IARS1: variants seen among roughly 807,000 people sequenced by gnomAD.
The protein encoded by IARS1 is isoleucine--tRNA ligase, cytoplasmic.
Under a neutral mutation model 168.2 loss-of-function variants are expected in IARS1, and 124 were observed. That is an observed-to-expected ratio of 0.74 (90% CI 0.64 to 0.86). IARS1 has a LOEUF of 0.86. Ranked by LOEUF, IARS1 falls within the 40% of genes least tolerant of loss-of-function variation. IARS1 has a pLI of 0.00. For missense variants in IARS1, 1,452 were observed against 1,515.8 expected (o/e 0.96, Z 0.70); for synonymous variants, 532 against 529.4 (o/e 1.00, Z -0.07).
At chr9:92,270,422 G>T (rs1168549184) in intron 12 of IARS1, among the ~76,000 whole-genome samples, 1 of 151,966 alleles carries the variant, frequency 6.6e-6, no homozygotes, top group Non-Finnish European at 1.5e-5. Flanking sequence ...AAAAAATGTG[G>T]CCACAATACA....
chr9:92,255,015 C>T (rs1230954605), intron 20 of IARS1, among the ~76,000 whole-genome samples: 1 of 152,186 alleles, frequency 6.6e-6, no homozygotes, highest in Admixed American at 6.5e-5. Flanking sequence ...CGTTTCCCAC[C>T]CACTTGTATC....
intron 33 of IARS1, among the ~76,000 whole-genome samples, chr9:92,213,696 C>T (rs1016937808): frequency 2.0e-5 from 3 of 152,178 alleles, no homozygotes; most frequent in Non-Finnish European, 2.9e-5. Context: ...AAATTTGTTG[C>T]AGCAGCCACA....
intron 9 of IARS1, among the ~76,000 whole-genome samples, chr9:92,274,986 G>A (rs1016970590): frequency 1.3e-5 from 2 of 152,156 alleles, no homozygotes; most frequent in Admixed American, 6.5e-5. Context: ...TGGGAGCCAC[G>A]AGTAGTAAGT....
intron 10 of IARS1, among the ~76,000 whole-genome samples, chr9:92,273,950 G>A (rs1206102406): frequency 6.6e-6 from 1 of 152,170 alleles, no homozygotes; most frequent in Non-Finnish European, 1.5e-5. Flanking sequence ...GGTGAGAGGT[G>A]GTTTACTGTA....
rs35644715 is a variant in IARS1 at position 92,292,016 on chromosome 9, CTT to C, written c.-8+1593_-8+1594del. On this transcript the variant is annotated intron_variant, in intron 1 of 33. Coordinates refer to ENST00000443024, the MANE Select transcript of IARS1 (RefSeq NM_002161.6). ...AAGCTTTCTGAGAAGAGGATCATTC[CTT>C]TTTTTTTTTTTTTTTTGAGACAGTG... 8.5e-3 allele frequency among the ~76,000 whole-genome samples: 1,081 copies of C among 126,886 alleles called. 9 individuals are homozygous for C. Among genetic ancestry groups the C allele is most frequent in the South Asian group, 0.027 (111 of 4,038 alleles). The allele number at this position is 126,886 out of a possible 152,430, so 83.2% of individuals were successfully genotyped here. A position where few individuals can be genotyped will look rare whatever the true frequency, so the allele number is the denominator to read the frequency against.
rs543733019 is a variant in IARS1 at position 92,286,747 on chromosome 9, A to C, written c.397-129T>G. 6.8e-5 allele frequency: 38 copies of C among 554,922 alleles called. No individual in the cohort carries two copies. In the South Asian group the frequency reaches 1.0e-3, roughly 15 times the overall value. 34.4% of individuals were successfully genotyped at this position (554,922 alleles called of 1,614,324 possible). On this transcript the variant is annotated intron_variant, in intron 4 of 33. Transcript: ENST00000443024. Reference sequence around the variant, plus strand: ...ACAGAATAATCAATGGTACAAGTAAATCTATACTGCCAACAACATATTATG... The same window carrying C: ...ACAGAATAATCAATGGTACAAGTAACTCTATACTGCCAACAACATATTATG...
chr9:92,242,167 TGAATAAG>T lies in IARS1; in HGVS notation c.3157_3163del (p.Leu1053LysfsTer6). ...CTCAGGACTCACCTGTGTTTTTTCT[TGAATAAG>T]GACTTTATCCGATGGAGAAACTGGA... On this transcript the variant is annotated frameshift_variant, in exon 29 of 34. Transcript: ENST00000443024. LOFTEE classifies it high-confidence loss of function. The T allele has an allele frequency of 6.2e-7, 1 of 1,613,482 alleles. No individual in the cohort carries two copies. The highest frequency in any genetic ancestry group is 8.5e-7 in the Non-Finnish European group (1 of 1,179,734).
intron 33 of IARS1, among the ~76,000 whole-genome samples, chr9:92,211,287 T>C (rs1446005821): frequency 6.6e-6 from 1 of 152,136 alleles, no homozygotes; most frequent in Non-Finnish European, 1.5e-5. Flanking sequence ...TGGTTGGTAA[T>C]ATAGTCTCTG....
chr9:92,231,407 T>G (rs2133497382), intron 30 of IARS1, among the ~76,000 whole-genome samples: 1 of 151,098 alleles, frequency 6.6e-6, no homozygotes. Context: ...ATATGTGTTA[T>G]TTTTTTCTTT....
intron 33 of IARS1, among the ~76,000 whole-genome samples, chr9:92,216,344 C>T (rs1276720912): frequency 6.6e-6 from 1 of 151,430 alleles, no homozygotes; most frequent in Non-Finnish European, 1.5e-5. Context: ...ACCATCGAGA[C>T]TAGGAAGAAA....
intron 30 of IARS1, among the ~76,000 whole-genome samples, chr9:92,239,342 T>C (rs570812432): frequency 1.3e-5 from 2 of 152,358 alleles, no homozygotes; most frequent in East Asian, 3.9e-4. Flanking sequence ...ACAATACTTA[T>C]CTTTCAGCAC....
At chr9:92,222,458 T>TTAATG in intron 33 of IARS1, 62 bp downstream of exon 33, 1 of 1,420,624 alleles carries the variant, frequency 7.0e-7, no homozygotes, top group South Asian at 1.2e-5. Context: ...CTACAAATGG[T>TTAATG]TAATGGCATC....
rs749373708 is a variant in IARS1, at chr9:92,223,348, T to C, written c.3551A>G (p.Gln1184Arg). The C allele has an allele frequency of 6.2e-7, 1 of 1,610,840 alleles. No homozygotes were observed. Among genetic ancestry groups the C allele is most frequent in the African/African-American group, 1.3e-5 (1 of 74,888 alleles). Residue 1184 changes from glutamine (Q) to arginine (R), a missense_variant and splice_region_variant, in exon 32 of 34, where the codon CAA becomes CGA. By Grantham distance (43) the Gln-to-Arg change is conservative. Coordinates refer to ENST00000443024, the MANE Select transcript of IARS1 (RefSeq NM_002161.6). Reference protein sequence around the residue: ...INLQLLNAKPQECLMGTVGTL... With the variant: ...INLQLLNAKPRECLMGTVGTL... ...GCCTGCTGTGGGGAGGCACATACCT[T>C]GTGGCTTTGCATTCAGGAGCTGTAG...
intron 7 of IARS1, among the ~76,000 whole-genome samples, chr9:92,278,742 TA>T (rs1396771845): frequency 6.6e-6 from 1 of 152,202 alleles, no homozygotes; most frequent in Non-Finnish European, 1.5e-5. Context: ...ATTGAGGTAA[TA>T]TTCTATCTGA....
chr9:92,227,556 G>A (rs534250501), intron 31 of IARS1, among the ~76,000 whole-genome samples: 154 of 145,186 alleles, frequency 1.1e-3, no homozygotes, highest in African/African-American at 3.6e-3. Flanking sequence ...CTGGCCAGGC[G>A]GAGGGGCTCC....
In IARS1 at chr9:92,288,170, GA is replaced by G. The variant is rs1564190405; in HGVS notation, c.231del (p.His78MetfsTer47). The G allele has an allele frequency of 3.7e-6, 6 of 1,613,988 alleles. No homozygotes were observed. The South Asian group carries it at 6.6e-5, about 18-fold the overall frequency. ...TCCCATCCAAATCTTCTGTCAACAT[GA>G]AACCCACTCTGGTGAGCATATCTTG... ...IVTRYAHQSG[F>X]HVDRRFGWDC... On this transcript the variant is annotated frameshift_variant, in exon 3 of 34. Coordinates refer to ENST00000443024, the MANE Select transcript of IARS1 (RefSeq NM_002161.6). LOFTEE classifies it high-confidence loss of function.
At chr9:92,246,813 G>A (rs374702331) in intron 26 of IARS1, among the ~76,000 whole-genome samples, 4 of 152,126 alleles carry the variant, frequency 2.6e-5, no homozygotes, top group African/African-American at 9.7e-5. Flanking sequence ...TTACAGATGT[G>A]AGCCTCTGTG....
At chr9:92,229,971 C>T (rs1318198756) in intron 30 of IARS1, among the ~76,000 whole-genome samples, 16 of 151,790 alleles carry the variant, frequency 1.1e-4, no homozygotes, top group Non-Finnish European at 2.9e-5. Context: ...ATACCCAATT[C>T]CCTCCCAGGC....
intron 25 of IARS1, among the ~76,000 whole-genome samples, chr9:92,247,840 T>G (rs1344489090): frequency 6.6e-6 from 1 of 152,188 alleles, no homozygotes; most frequent in East Asian, 1.9e-4. Context: ...TCCACTTATA[T>G]GAAATGTCCA....
Sources: gnomAD v4.1 joint callset for allele counts (sites outside exome capture counted in the v4.1 genomes callset) on GRCh38, gnomAD v4.1.1 for gene constraint, MANE v1.5 for transcripts, NCBI Gene and HGNC (gene_info 2026-07-23, HGNC 2026-07-21) for gene names.